EXOC6B: variants seen among roughly 807,000 people sequenced by gnomAD.
The protein encoded by EXOC6B is SEC15 homolog B.
EXOC6B carries 54 observed loss-of-function variants against 113.5 expected under a neutral mutation model. The ratio of observed to expected loss-of-function variants is 0.48; its 90% CI spans 0.38 to 0.60. The LOEUF (loss-of-function observed/expected upper bound fraction) is 0.60. Among genes scored for constraint, EXOC6B ranks in the 20% least tolerant of loss-of-function variants. The pLI is 0.00. For missense variants in EXOC6B, 797 were observed against 977.5 expected (o/e 0.82, Z 2.46); for synonymous variants, 357 against 339.0 (o/e 1.05, Z -0.58).
intron 6 of EXOC6B, among the ~76,000 whole-genome samples, chr2:72,709,184 T>C (rs1221782073): frequency 6.6e-6 from 1 of 152,184 alleles, no homozygotes; most frequent in African/African-American, 2.4e-5. Flanking sequence ...GCTTTGGCCA[T>C]CCTGAACATT....
chr2:72,404,774 A>AC (rs1693609370), intron 18 of EXOC6B, among the ~76,000 whole-genome samples: 1 of 152,218 alleles, frequency 6.6e-6, no homozygotes, highest in African/African-American at 2.4e-5. Context: ...AGAGTAGAAA[A>AC]ACTGGAAAGT....
chr2:72,225,898 T>A (rs1437894059), intron 20 of EXOC6B, among the ~76,000 whole-genome samples: 1 of 152,078 alleles, frequency 6.6e-6, no homozygotes, highest in East Asian at 1.9e-4. Flanking sequence ...TAGGACTGAG[T>A]CCCTGGAGTG....
chr2:72,360,163 C>T (rs555463550), intron 19 of EXOC6B, among the ~76,000 whole-genome samples: 4 of 152,120 alleles, frequency 2.6e-5, no homozygotes, highest in Non-Finnish European at 2.9e-5. Flanking sequence ...TCTCAGCTCA[C>T]GGCAACCTCC....
At chr2:72,629,623 C>A (rs1201379403) in intron 6 of EXOC6B, among the ~76,000 whole-genome samples, 1 of 152,220 alleles carries the variant, frequency 6.6e-6, no homozygotes, top group Non-Finnish European at 1.5e-5. Flanking sequence ...TCTGTTCTCA[C>A]AGACTCATCT....
At chr2:72,616,652 G>C (rs1229267810) in intron 6 of EXOC6B, among the ~76,000 whole-genome samples, 1 of 152,054 alleles carries the variant, frequency 6.6e-6, no homozygotes, top group Non-Finnish European at 1.5e-5. Context: ...ACTATCAAGA[G>C]AACAGCATGG....
At chr2:72,321,756 A>C (rs941791917) in intron 20 of EXOC6B, among the ~76,000 whole-genome samples, 7 of 152,202 alleles carry the variant, frequency 4.6e-5, no homozygotes, top group African/African-American at 1.7e-4. Flanking sequence ...CATTGCAAAG[A>C]GGCATAAAAT....
At position 72,496,514 on chromosome 2, in the gene EXOC6B, A is replaced by C. The variant is rs1271653854; in HGVS notation, c.1383T>G (p.Ser461Arg). ...CTACCACCTTTTTGTACATCTCTTC[A>C]CTTGTTACTGGTATAGGACTGTAGT... ...SDNYSPIPVTSEEMYKKVVGQ... is the reference protein window; with the variant it reads ...SDNYSPIPVTREEMYKKVVGQ... Residue 461 changes from serine (S) to arginine (R), a missense_variant, in exon 14 of 22, where the codon AGT becomes AGG. Ser to Arg is a moderately radical substitution (Grantham distance 110, BLOSUM62 -1). Transcript: ENST00000272427. 1 of 1,601,100 alleles carries C rather than the reference A, an allele frequency of 6.2e-7. No homozygotes were observed. Among genetic ancestry groups the C allele is most frequent in the East Asian group, 2.2e-5 (1 of 44,752 alleles).
chr2:72,522,621 G>A (rs142171524), intron 8 of EXOC6B, among the ~76,000 whole-genome samples: 20 of 152,074 alleles, frequency 1.3e-4, no homozygotes, highest in East Asian at 5.8e-4. Flanking sequence ...CTCAGATCTC[G>A]TTTTGTTTTA....
At chr2:72,497,588 A>G (rs979655283) in intron 13 of EXOC6B, among the ~76,000 whole-genome samples, 3 of 152,158 alleles carry the variant, frequency 2.0e-5, no homozygotes, top group African/African-American at 7.2e-5. Flanking sequence ...CAATTATACC[A>G]TTAGCTAAAT....
intron 6 of EXOC6B, among the ~76,000 whole-genome samples, chr2:72,700,976 T>C (rs192400840): frequency 6.6e-6 from 1 of 151,944 alleles, no homozygotes; most frequent in Admixed American, 6.6e-5. Flanking sequence ...TTTTATGTAA[T>C]ATATATTTTA....
chr2:72,317,157 T>C (rs561803447), intron 20 of EXOC6B, among the ~76,000 whole-genome samples: 1 of 99,866 alleles, frequency 1.0e-5, no homozygotes, highest in Non-Finnish European at 1.8e-5. Context: ...TTGTGGTTTG[T>C]TTTTTTTTTT....
At chr2:72,203,463 C>T (rs1241724586) in intron 20 of EXOC6B, among the ~76,000 whole-genome samples, 1 of 152,142 alleles carries the variant, frequency 6.6e-6, no homozygotes, top group Non-Finnish European at 1.5e-5. Context: ...ATTTGCTGGT[C>T]ACAGAGTGGT....
chr2:72,544,376 C>T (rs986208599), intron 8 of EXOC6B, among the ~76,000 whole-genome samples: 4 of 151,840 alleles, frequency 2.6e-5, no homozygotes, highest in Admixed American at 6.6e-5. Context: ...CCAAGAAAAA[C>T]GTATATGTTT....
At chr2:72,784,725 C>T (rs1202896934) in intron 1 of EXOC6B, among the ~76,000 whole-genome samples, 2 of 152,176 alleles carry the variant, frequency 1.3e-5, no homozygotes, top group Non-Finnish European at 2.9e-5. Context: ...TCCCACAACA[C>T]GTGGGAATTC....
At chr2:72,395,173 G>A (rs994341681) in intron 18 of EXOC6B, among the ~76,000 whole-genome samples, 1 of 152,146 alleles carries the variant, frequency 6.6e-6, no homozygotes, top group Admixed American at 6.5e-5. Flanking sequence ...AAGCTTCCAG[G>A]AAAACCTCTA....
At chr2:72,407,705 G>A (rs6712930) in intron 18 of EXOC6B, among the ~76,000 whole-genome samples, 30,478 of 152,022 alleles carry the variant, frequency 0.2, 5,641 homozygotes, top group African/African-American at 0.49. Context: ...GGTATTGATG[G>A]GACGTATCTC....
chr2:72,540,387 T>A (rs1342174821), intron 8 of EXOC6B, among the ~76,000 whole-genome samples: 1 of 152,198 alleles, frequency 6.6e-6, no homozygotes, highest in Admixed American at 6.5e-5. Context: ...TTTATCCAGA[T>A]TCACGTTGTT....
intron 6 of EXOC6B, among the ~76,000 whole-genome samples, chr2:72,625,716 T>C (rs545959046): frequency 1.3e-5 from 2 of 152,328 alleles, no homozygotes; most frequent in Admixed American, 6.5e-5. Context: ...CTCTTGAGAC[T>C]GCTGGTCTTT....
intron 11 of EXOC6B, among the ~76,000 whole-genome samples, chr2:72,501,293 A>AG (rs1266637683): frequency 6.6e-6 from 1 of 151,940 alleles, no homozygotes; most frequent in Non-Finnish European, 1.5e-5. Flanking sequence ...TTCATATGGG[A>AG]GCTAGTTGTT....
Sources: gnomAD v4.1 joint callset for allele counts (sites outside exome capture counted in the v4.1 genomes callset) on GRCh38, gnomAD v4.1.1 for gene constraint, MANE v1.5 for transcripts, NCBI Gene and HGNC (gene_info 2026-07-23, HGNC 2026-07-21) for gene names.